Variants in DLG2 observed in about 807,000 individuals in gnomAD.
DLG2 encodes the protein discs large MAGUK scaffold protein 2, also known as disks large homolog 2.
In DLG2, 45 loss-of-function variants were observed where a neutral mutation model predicts 132.5. The observed-to-expected ratio is 0.34, with a 90% CI of 0.27 to 0.44. DLG2 has a LOEUF of 0.44. Among genes scored for constraint, DLG2 ranks in the 20% least tolerant of loss-of-function variants. The probability of loss-of-function intolerance (pLI) is 1.00; values close to 1 mark genes in which losing one functional copy is unlikely to be tolerated. For synonymous variants in DLG2, 424 were observed against 419.6 expected (o/e 1.01, Z -0.13); for missense variants, 1,045 against 1,196.9 (o/e 0.87, Z 1.87).
intron 14 of DLG2, among the ~76,000 whole-genome samples, chr11:83,938,639 T>G (rs1037982007): frequency 6.6e-6 from 1 of 152,222 alleles, no homozygotes; most frequent in Non-Finnish European, 1.5e-5. Context: ...CATTCATTCA[T>G]TCATTCATTC....
intron 18 of DLG2, among the ~76,000 whole-genome samples, chr11:83,670,280 G>A (rs143748735): frequency 2.6e-5 from 4 of 152,134 alleles, no homozygotes; most frequent in Admixed American, 6.5e-5. Flanking sequence ...GTGGTGGTAG[G>A]TGACAAGGTT....
chr11:83,561,486 C>T (rs1169379218), intron 19 of DLG2, among the ~76,000 whole-genome samples: 1 of 152,318 alleles, frequency 6.6e-6, no homozygotes, highest in South Asian at 2.1e-4. Context: ...TAAAGAGTCT[C>T]TGTAAGTTCT....
At chr11:84,630,204 C>T (rs1442600597) in intron 6 of DLG2, among the ~76,000 whole-genome samples, 1 of 152,106 alleles carries the variant, frequency 6.6e-6, no homozygotes, top group Non-Finnish European at 1.5e-5. Context: ...TCAGCAGATC[C>T]AGTGGTTTCC....
chr11:85,291,278 C>G (rs1331745169), intron 3 of DLG2, among the ~76,000 whole-genome samples: 1 of 152,130 alleles, frequency 6.6e-6, no homozygotes, highest in Non-Finnish European at 1.5e-5. Flanking sequence ...TACTTAACCA[C>G]AATAAAATTA....
intron 3 of DLG2, among the ~76,000 whole-genome samples, chr11:85,391,854 A>T (rs1024684100): frequency 6.6e-6 from 1 of 152,158 alleles, no homozygotes; most frequent in African/African-American, 2.4e-5. Flanking sequence ...AAAAGTTGAA[A>T]GCATCCCTGC....
intron 15 of DLG2, among the ~76,000 whole-genome samples, chr11:83,894,572 T>A (rs1158417736): frequency 1.3e-5 from 2 of 152,234 alleles, no homozygotes; most frequent in Non-Finnish European, 2.9e-5. Flanking sequence ...TTTTAACACC[T>A]ATATACAATG....
At chr11:84,715,099 CTA>C (rs2061058193) in intron 6 of DLG2, among the ~76,000 whole-genome samples, 1 of 151,956 alleles carries the variant, frequency 6.6e-6, no homozygotes, top group African/African-American at 2.4e-5. Flanking sequence ...TTTCAGGACT[CTA>C]TAACATTTTC....
At chr11:84,034,594 A>G (rs71469615) in intron 11 of DLG2, among the ~76,000 whole-genome samples, 3,430 of 152,250 alleles carry the variant, frequency 0.023, 68 homozygotes, top group Middle Eastern at 0.034. Flanking sequence ...TCTTGCCTCA[A>G]TATGATTTAG....
chr11:84,481,326 C>T (rs887988033), intron 7 of DLG2, among the ~76,000 whole-genome samples: 1 of 152,120 alleles, frequency 6.6e-6, no homozygotes, highest in East Asian at 1.9e-4. Context: ...TCTTTCAACT[C>T]TGCATCATTA....
intron 8 of DLG2, among the ~76,000 whole-genome samples, chr11:84,177,533 A>C (rs12808232): frequency 0.06 from 9,059 of 152,246 alleles, 344 homozygotes; most frequent in African/African-American, 0.097. Context: ...AGAAAAGTTA[A>C]ATAGCCTGAG....
intron 19 of DLG2, among the ~76,000 whole-genome samples, chr11:83,600,246 T>TGTGTGTGG (rs72329553): frequency 7.3e-5 from 11 of 150,830 alleles, no homozygotes; most frequent in African/African-American, 2.4e-4. Flanking sequence ...GGTGTGTGTG[T>TGTGTGTGG]GTGTGTGTGT....
intron 4 of DLG2, among the ~76,000 whole-genome samples, chr11:85,234,164 A>G (rs1229418441): frequency 6.6e-6 from 1 of 151,948 alleles, no homozygotes; most frequent in Non-Finnish European, 1.5e-5. Context: ...ATAGTAAAAT[A>G]TGTTCTATGA....
At chr11:83,751,502 G>T (rs1454107663) in intron 18 of DLG2, among the ~76,000 whole-genome samples, 1 of 152,174 alleles carries the variant, frequency 6.6e-6, no homozygotes, top group Non-Finnish European at 1.5e-5. Context: ...GTGACCATTA[G>T]GAGTCAGTTG....
At chr11:84,802,222 C>G (rs1289834905) in intron 6 of DLG2, among the ~76,000 whole-genome samples, 2 of 151,576 alleles carry the variant, frequency 1.3e-5, no homozygotes, top group African/African-American at 4.9e-5. Flanking sequence ...CTCTCTGTGT[C>G]CATAGGGTCC....
At chr11:83,978,562 A>G (rs904594537) in intron 12 of DLG2, among the ~76,000 whole-genome samples, 5 of 152,232 alleles carry the variant, frequency 3.3e-5, no homozygotes, top group African/African-American at 1.2e-4. Flanking sequence ...TACATCAAAA[A>G]CAAACAAGCA....
intron 6 of DLG2, among the ~76,000 whole-genome samples, chr11:84,902,446 T>A (rs10898318): frequency 0.36 from 54,605 of 152,060 alleles, 10,372 homozygotes; most frequent in South Asian, 0.57. Flanking sequence ...AGAAGCCGAA[T>A]ATCTTAATAA....
At chr11:85,116,604 A>T (rs2073622301) in intron 5 of DLG2, among the ~76,000 whole-genome samples, 1 of 152,084 alleles carries the variant, frequency 6.6e-6, no homozygotes, top group African/African-American at 2.4e-5. Flanking sequence ...AAAGACATGT[A>T]ATTTCAGAGT....
intron 18 of DLG2, among the ~76,000 whole-genome samples, chr11:83,759,912 A>C (rs890589493): frequency 9.2e-5 from 14 of 152,204 alleles, no homozygotes; most frequent in Non-Finnish European, 1.5e-5. Flanking sequence ...AAAACTCACA[A>C]GTAGGACATT....
intron 18 of DLG2, among the ~76,000 whole-genome samples, chr11:83,666,082 T>G (rs982272715): frequency 6.6e-6 from 1 of 152,258 alleles, no homozygotes; most frequent in Non-Finnish European, 1.5e-5. Flanking sequence ...TTCCATTTGC[T>G]AGATATATCT....
Sources: allele counts gnomAD v4.1 joint callset (sites outside exome capture counted in the v4.1 genomes callset), GRCh38; gene constraint gnomAD v4.1.1; transcripts MANE v1.5; gene names NCBI Gene and HGNC (gene_info 2026-07-23, HGNC 2026-07-21).